TRAPPC9: variants seen among roughly 807,000 people sequenced by gnomAD.
TRAPPC9 encodes trafficking protein particle complex subunit 9, also known as IKK2 binding protein.
TRAPPC9 carries 83 observed loss-of-function variants against 124.0 expected under a neutral mutation model. That is an observed-to-expected ratio of 0.67 (90% CI 0.56 to 0.80). The LOEUF is 0.80. Ranked by LOEUF, TRAPPC9 falls within the 30% of genes least tolerant of loss-of-function variation. The pLI is 0.00. For missense variants in TRAPPC9, 1,302 were observed against 1,508.3 expected (o/e 0.86, Z 2.27); for synonymous variants, 638 against 617.5 (o/e 1.03, Z -0.49).
chr8:140,240,341 G>A (rs2063829559), intron 16 of TRAPPC9, among the ~76,000 whole-genome samples: 1 of 152,118 alleles, frequency 6.6e-6, no homozygotes, highest in Non-Finnish European at 1.5e-5. Flanking sequence ...ACCCAGCAGC[G>A]TCCAATGGTG....
chr8:140,423,309 G>A (rs1377498413), intron 5 of TRAPPC9, among the ~76,000 whole-genome samples: 1 of 151,850 alleles, frequency 6.6e-6, no homozygotes, highest in Non-Finnish European at 1.5e-5. Flanking sequence ...GCATGGTGGT[G>A]GGCACCTGTA....
chr8:140,187,969 G>T (rs973932478), intron 17 of TRAPPC9, among the ~76,000 whole-genome samples: 1 of 152,234 alleles, frequency 6.6e-6, no homozygotes, highest in Non-Finnish European at 1.5e-5. Flanking sequence ...TGATGGGTCA[G>T]TGTGGTCGGG....
intron 21 of TRAPPC9, among the ~76,000 whole-genome samples, chr8:139,850,521 G>A (rs149740777): frequency 2.0e-5 from 3 of 152,336 alleles, no homozygotes; most frequent in Non-Finnish European, 4.4e-5. Context: ...CATCATAATT[G>A]TTAAAGGAAG....
At chr8:140,161,967 G>A (rs765800059) in intron 17 of TRAPPC9, among the ~76,000 whole-genome samples, 9 of 152,122 alleles carry the variant, frequency 5.9e-5, no homozygotes, top group Non-Finnish European at 1.0e-4. Flanking sequence ...CCGAGTGTCC[G>A]GCAGAGAGGA....
chr8:140,328,485 A>C (rs2066799839), intron 9 of TRAPPC9, among the ~76,000 whole-genome samples: 1 of 151,964 alleles, frequency 6.6e-6, no homozygotes, highest in Non-Finnish European at 1.5e-5. Flanking sequence ...TAACTCAAGA[A>C]TGTAAAATCA....
chr8:140,432,998 T>C (rs2070700442), intron 4 of TRAPPC9, among the ~76,000 whole-genome samples: 1 of 151,758 alleles, frequency 6.6e-6, no homozygotes, highest in Non-Finnish European at 1.5e-5. Context: ...AACACATTTA[T>C]TTATATATTA....
chr8:140,357,721 T>A (rs2067794881), intron 9 of TRAPPC9, among the ~76,000 whole-genome samples: 1 of 152,124 alleles, frequency 6.6e-6, no homozygotes, highest in Non-Finnish European at 1.5e-5. Context: ...CGGGTGGCTC[T>A]GGGAGCTCTG....
At chr8:140,115,274 T>G (rs1398365694) in intron 17 of TRAPPC9, among the ~76,000 whole-genome samples, 3 of 151,950 alleles carry the variant, frequency 2.0e-5, no homozygotes, top group Non-Finnish European at 2.9e-5. Context: ...ATAATGGTTT[T>G]TTTTTTTTTT....
chr8:140,138,484 C>A (rs1453803176), intron 17 of TRAPPC9, among the ~76,000 whole-genome samples: 2 of 152,094 alleles, frequency 1.3e-5, no homozygotes, highest in Non-Finnish European at 2.9e-5. Context: ...TCTAAAGTAG[C>A]GTCTTTGCCA....
At chr8:139,855,036 G>A (rs1041604657) in intron 21 of TRAPPC9, among the ~76,000 whole-genome samples, 11 of 152,168 alleles carry the variant, frequency 7.2e-5, no homozygotes, top group Middle Eastern at 3.2e-3. Context: ...AGGCAGATGC[G>A]TCAATGATTA....
chr8:140,283,153 G>A (rs988997257), intron 14 of TRAPPC9, among the ~76,000 whole-genome samples: 8 of 151,766 alleles, frequency 5.3e-5, no homozygotes, highest in African/African-American at 1.5e-4. Context: ...TGGGAGGATC[G>A]CTTGAACCTG....
intron 17 of TRAPPC9, among the ~76,000 whole-genome samples, chr8:140,148,119 A>T (rs1158109362): frequency 1.3e-5 from 2 of 152,204 alleles, no homozygotes; most frequent in Non-Finnish European, 2.9e-5. Flanking sequence ...GGAAGCCCCC[A>T]CCGAGTAGGA....
chr8:140,347,407 T>C (rs2067382496), intron 9 of TRAPPC9, among the ~76,000 whole-genome samples: 1 of 152,204 alleles, frequency 6.6e-6, no homozygotes, highest in East Asian at 1.9e-4. Context: ...TGCATATGTA[T>C]GGACATGTGC....
chr8:140,033,843 T>C (rs561667642), intron 17 of TRAPPC9, among the ~76,000 whole-genome samples: 10 of 151,906 alleles, frequency 6.6e-5, no homozygotes, highest in African/African-American at 2.4e-4. Flanking sequence ...CACCATACCT[T>C]GTTAATTTTT....
intron 17 of TRAPPC9, among the ~76,000 whole-genome samples, chr8:140,197,777 A>G (rs2062703457): frequency 6.6e-6 from 1 of 151,958 alleles, no homozygotes; most frequent in Non-Finnish European, 1.5e-5. Context: ...ACAACGCGAG[A>G]TTTGTCACGG....
At chr8:140,258,277 C>G (rs2064317271) in intron 15 of TRAPPC9, among the ~76,000 whole-genome samples, 1 of 152,246 alleles carries the variant, frequency 6.6e-6, no homozygotes, top group Non-Finnish European at 1.5e-5. Context: ...GCGACTAATT[C>G]TGGACTTGTT....
chr8:140,072,409 G>A (rs1256287334), intron 17 of TRAPPC9, among the ~76,000 whole-genome samples: 1 of 152,060 alleles, frequency 6.6e-6, no homozygotes, highest in Admixed American at 6.5e-5. Context: ...GCATGTGCCT[G>A]TAGGAGGCTG....
intron 17 of TRAPPC9, among the ~76,000 whole-genome samples, chr8:140,047,507 G>A (rs553607361): frequency 8.5e-5 from 13 of 152,322 alleles, no homozygotes; most frequent in East Asian, 3.9e-4. Context: ...AGAAGAAAAC[G>A]AGTGACTGCC....
At chr8:139,763,961 T>G (rs916631967) in intron 21 of TRAPPC9, among the ~76,000 whole-genome samples, 3 of 152,186 alleles carry the variant, frequency 2.0e-5, no homozygotes, top group African/African-American at 7.2e-5. Context: ...ATCGAGCATT[T>G]GATCTTGGCC....
Sources: gnomAD v4.1 joint callset for allele counts (sites outside exome capture counted in the v4.1 genomes callset) on GRCh38, gnomAD v4.1.1 for gene constraint, MANE v1.5 for transcripts, NCBI Gene and HGNC (gene_info 2026-07-23, HGNC 2026-07-21) for gene names.